ZCCHC17: variants seen among roughly 807,000 people sequenced by gnomAD.
ZCCHC17 encodes zinc finger CCHC-type containing 17, also known as zinc finger CCHC domain-containing protein 17.
A neutral mutation model predicts 30.6 loss-of-function variants in ZCCHC17; 18 were observed. The observed-to-expected ratio is 0.59, with a 90% CI of 0.41 to 0.87. ZCCHC17 has a LOEUF of 0.87. ZCCHC17 is among the 40% of genes least tolerant of loss of function. ZCCHC17 has a pLI of 0.00. For synonymous variants in ZCCHC17, 88 were observed against 92.4 expected, an observed-to-expected ratio of 0.95 and a Z score of 0.27; for missense variants, 263 against 284.2, an observed-to-expected ratio of 0.93 and a Z score of 0.54.
chr1:31,326,966 A>G (rs997795361), intron 3 of ZCCHC17, among the ~76,000 whole-genome samples: 22 of 152,176 alleles, frequency 1.4e-4, no homozygotes, highest in Admixed American at 9.8e-4. Flanking sequence ...TCAGGTAGGT[A>G]GATTCTAATT....
chr1:31,334,331 CTCTCTCTG>C (rs1638720911), intron 3 of ZCCHC17, among the ~76,000 whole-genome samples: 7 of 61,224 alleles, frequency 1.1e-4, no homozygotes, highest in African/African-American at 4.1e-4. Context: ...CTCTCTCTCT[CTCTCTCTG>C]TGTGTGTGTG....
intron 2 of ZCCHC17, among the ~76,000 whole-genome samples, chr1:31,313,067 TC>T (rs1646644072): frequency 1.1e-5 from 1 of 90,894 alleles, no homozygotes; most frequent in East Asian, 2.6e-4. Flanking sequence ...ACACTGGGCC[TC>T]TTTTTTTTTT....
At chr1:31,313,068 C>CTTTTTTTTTTTTTT (rs59004055) in intron 2 of ZCCHC17, among the ~76,000 whole-genome samples, 2 of 113,486 alleles carry the variant, frequency 1.8e-5, no homozygotes, top group African/African-American at 6.7e-5. Flanking sequence ...CACTGGGCCT[C>CTTTTTTTTTTTTTT]TTTTTTTTTT....
At chr1:31,339,736 G>A (rs141360961) in intron 5 of ZCCHC17, among the ~76,000 whole-genome samples, 462 of 152,196 alleles carry the variant, frequency 3.0e-3, no homozygotes, top group African/African-American at 0.01. Flanking sequence ...GTGGGGTTAC[G>A]TGGGTCTCTT....
chr1:31,357,240 C>G (rs1463359017), intron 7 of ZCCHC17, among the ~76,000 whole-genome samples: 1 of 152,182 alleles, frequency 6.6e-6, no homozygotes, highest in Non-Finnish European at 1.5e-5. Flanking sequence ...CTTCTGGTGC[C>G]TATATAGAGA....
intron 3 of ZCCHC17, among the ~76,000 whole-genome samples, chr1:31,320,660 C>T (rs1319417117): frequency 1.3e-5 from 2 of 152,094 alleles, no homozygotes; most frequent in African/African-American, 2.4e-5. Context: ...TTTTTTATTG[C>T]CATTACAAAT....
chr1:31,348,496 G>A (rs1162226416), intron 6 of ZCCHC17, among the ~76,000 whole-genome samples: 1 of 152,126 alleles, frequency 6.6e-6, no homozygotes, highest in African/African-American at 2.4e-5. Flanking sequence ...TTGATTGTCA[G>A]GAATATGTTC....
chr1:31,304,869 A>T (rs575394661), intron 1 of ZCCHC17, among the ~76,000 whole-genome samples: 3 of 152,174 alleles, frequency 2.0e-5, no homozygotes, highest in Admixed American at 6.5e-5. Flanking sequence ...TGCTGGGATT[A>T]CAGGCGTGAG....
intron 1 of ZCCHC17, among the ~76,000 whole-genome samples, chr1:31,307,560 C>T (rs1449020256): frequency 1.3e-5 from 2 of 150,518 alleles, no homozygotes; most frequent in Non-Finnish European, 3.0e-5. Flanking sequence ...CCTGCCATCA[C>T]GCCTGGCTGA....
At chr1:31,347,261 C>T (rs1639310521) in intron 6 of ZCCHC17, among the ~76,000 whole-genome samples, 1 of 152,146 alleles carries the variant, frequency 6.6e-6, no homozygotes. Flanking sequence ...TCTACTCTTA[C>T]TCAAATTTTA....
intron 7 of ZCCHC17, among the ~76,000 whole-genome samples, chr1:31,362,751 G>A (rs4949392): frequency 0.02 from 3,045 of 152,204 alleles, 43 homozygotes; most frequent in Non-Finnish European, 0.029. Flanking sequence ...TTTGACCTTG[G>A]ATATGTGAGT....
At chr1:31,319,059 A>G in intron 2 of ZCCHC17, 50 bp from the exon 3 acceptor site, 3 of 1,580,264 alleles carry the variant, frequency 1.9e-6, no homozygotes, top group Non-Finnish European at 2.6e-6. Context: ...ATGCTACAGA[A>G]GAAAGATTCT....
chr1:31,298,110 C>G (rs767426618), intron 1 of ZCCHC17, among the ~76,000 whole-genome samples: 1 of 152,170 alleles, frequency 6.6e-6, no homozygotes. Context: ...ATGTGGACCA[C>G]TTGGGATATG....
Position 31,364,133 on chromosome 1 carries a change from C to T in ZCCHC17, c.666C>T (p.Asp222=), listed in dbSNP as rs1442249258. The change falls in exon 8 of 8, where the codon GAC becomes GAT. Residue 222 remains aspartate, a synonymous_variant. Transcript: ENST00000344147. ...TGKRARHTSK[D]SKAAKKKKKK... ...AGAGGGCAAGGCACACATCAAAAGA[C>T]AGCAAGGCAGCAAAGAAGAAGAAAA... The T allele has an allele frequency of 1.2e-6, 2 of 1,613,706 alleles. No homozygotes were observed. The highest frequency in any genetic ancestry group is 1.3e-5 in the African/African-American group (1 of 74,852).
At chr1:31,318,027 A>T in intron 2 of ZCCHC17, 1 of 602,274 alleles carries the variant, frequency 1.7e-6, no homozygotes, top group East Asian at 3.3e-5. Flanking sequence ...ATTGGATGGG[A>T]ATAATAGTAC....
At chr1:31,344,233 C>T (rs186273862) in intron 5 of ZCCHC17, among the ~76,000 whole-genome samples, 106 of 152,242 alleles carry the variant, frequency 7.0e-4, no homozygotes, top group African/African-American at 2.5e-3. Context: ...TCAAGTGATA[C>T]TCCCACCTTG....
intron 3 of ZCCHC17, among the ~76,000 whole-genome samples, chr1:31,319,746 C>T (rs957768920): frequency 6.6e-6 from 1 of 152,104 alleles, no homozygotes; most frequent in African/African-American, 2.4e-5. Context: ...ATAGCCAAGA[C>T]TAGAACCCAA....
intron 5 of ZCCHC17, among the ~76,000 whole-genome samples, chr1:31,346,084 T>G (rs920516588): frequency 6.6e-6 from 1 of 152,196 alleles, no homozygotes; most frequent in Non-Finnish European, 1.5e-5. Context: ...GGAGAGCTAG[T>G]AACTGAACTG....
intron 3 of ZCCHC17, among the ~76,000 whole-genome samples, chr1:31,332,788 A>G (rs570226758): frequency 7.8e-4 from 119 of 152,056 alleles, no homozygotes; most frequent in African/African-American, 2.8e-3. Context: ...CACCTGGCTA[A>G]TTTTTGTATT....
Sources: allele counts gnomAD v4.1 joint callset (sites outside exome capture counted in the v4.1 genomes callset), GRCh38; gene constraint gnomAD v4.1.1; transcripts MANE v1.5; gene names NCBI Gene and HGNC (gene_info 2026-07-23, HGNC 2026-07-21).